The following NELL1 variants were observed in gnomAD, a reference collection of about 807,000 sequenced individuals.
NELL1 encodes neural EGFL like 1.
A neutral mutation model predicts 107.4 loss-of-function variants in NELL1; 76 were observed. That is an observed-to-expected ratio of 0.71 (90% CI 0.59 to 0.86). NELL1 has a LOEUF of 0.86. Ranked by LOEUF, NELL1 falls within the 40% of genes least tolerant of loss-of-function variation. NELL1 has a pLI of 0.00. For missense variants in NELL1, 1,024 were observed against 1,005.5 expected (o/e 1.02, Z -0.25); for synonymous variants, 353 against 341.2 (o/e 1.03, Z -0.38).
At chr11:20,784,734 G>A (rs11025759) in intron 3 of NELL1, among the ~76,000 whole-genome samples, 43,238 of 151,722 alleles carry the variant, frequency 0.28, 6,885 homozygotes, top group African/African-American at 0.42. Context: ...GGGTTCCTCT[G>A]TATTAGTCCA....
chr11:21,020,434 C>T (rs757387366), intron 12 of NELL1, among the ~76,000 whole-genome samples: 27 of 152,074 alleles, frequency 1.8e-4, no homozygotes, highest in Non-Finnish European at 3.1e-4. Context: ...CGTATATGCT[C>T]TACTATGGTG....
At chr11:20,952,188 A>C (rs1452315028) in intron 11 of NELL1, among the ~76,000 whole-genome samples, 1 of 152,086 alleles carries the variant, frequency 6.6e-6, no homozygotes, top group African/African-American at 2.4e-5. Context: ...AATCAGCTCT[A>C]ATTGTATCTT....
chr11:21,492,272 T>G (rs941180247), intron 15 of NELL1, among the ~76,000 whole-genome samples: 25 of 151,460 alleles, frequency 1.7e-4, no homozygotes, highest in Non-Finnish European at 2.5e-4. Context: ...TGTGGAGAAA[T>G]AGGAACACTT....
At chr11:20,848,406 G>A (rs1330547705) in intron 4 of NELL1, among the ~76,000 whole-genome samples, 1 of 152,128 alleles carries the variant, frequency 6.6e-6, no homozygotes, top group Non-Finnish European at 1.5e-5. Flanking sequence ...CAGGTTTAAT[G>A]AAAATTGAAG....
intron 15 of NELL1, among the ~76,000 whole-genome samples, chr11:21,482,579 C>G (rs1211666644): frequency 6.6e-6 from 1 of 152,024 alleles, no homozygotes; most frequent in African/African-American, 2.4e-5. Flanking sequence ...TGCTAGCTGT[C>G]TTAATAAAAA....
intron 15 of NELL1, among the ~76,000 whole-genome samples, chr11:21,464,631 T>C (rs2133876902): frequency 6.6e-6 from 1 of 152,250 alleles, no homozygotes; most frequent in East Asian, 1.9e-4. Context: ...TGGACCACTT[T>C]ATAAAAGATT....
intron 3 of NELL1, among the ~76,000 whole-genome samples, chr11:20,815,615 C>T (rs1384187928): frequency 6.6e-6 from 1 of 152,124 alleles, no homozygotes. Context: ...GTCTTTTACG[C>T]TGTTAATAGT....
At chr11:20,917,878 T>G (rs1239601431) in intron 5 of NELL1, among the ~76,000 whole-genome samples, 1 of 152,012 alleles carries the variant, frequency 6.6e-6, no homozygotes, top group Admixed American at 6.6e-5. Flanking sequence ...CCAGGATGAT[T>G]AGGGCATTAA....
Position 21,519,729 on chromosome 11 carries a change from G to A in NELL1, c.1646-14645G>A, listed in dbSNP as rs1855670723. Among the ~76,000 whole-genome samples the A allele has an allele frequency of 2.0e-5, 3 of 151,956 alleles. No individual in the cohort carries two copies. The South Asian group carries it at 6.2e-4, about 31-fold the overall frequency. ...ATGTACAGCCGCTACCACTCTACTG[G>A]CTAAAATTGACTGAAACGTACCTGG... On this transcript the variant is annotated intron_variant, in intron 15 of 19. Transcript: ENST00000357134.
intron 12 of NELL1, among the ~76,000 whole-genome samples, chr11:21,067,289 C>T (rs1853898900): frequency 6.6e-6 from 1 of 152,156 alleles, no homozygotes; most frequent in South Asian, 2.1e-4. Context: ...AATTTCTGGA[C>T]AGCGCTGAAG....
At chr11:21,538,997 C>T (rs896670972) in intron 16 of NELL1, among the ~76,000 whole-genome samples, 3 of 152,070 alleles carry the variant, frequency 2.0e-5, no homozygotes, top group African/African-American at 7.2e-5. Context: ...GTGCTTTTCC[C>T]TGACTATCCC....
intron 14 of NELL1, among the ~76,000 whole-genome samples, chr11:21,307,742 A>G (rs898943299): frequency 1.3e-5 from 2 of 152,000 alleles, no homozygotes; most frequent in Non-Finnish European, 2.9e-5. Flanking sequence ...CTAAGATAAC[A>G]GGCAAAATTT....
chr11:21,140,972 A>G (rs1855853135), intron 13 of NELL1, among the ~76,000 whole-genome samples: 1 of 152,154 alleles, frequency 6.6e-6, no homozygotes, highest in Admixed American at 6.5e-5. Context: ...AAATACCTGA[A>G]TGATTATTTT....
At chr11:21,123,331 CTGCG>C (rs1333835384) in intron 13 of NELL1, among the ~76,000 whole-genome samples, 1 of 112,532 alleles carries the variant, frequency 8.9e-6, no homozygotes, top group Non-Finnish European at 1.8e-5. Context: ...ATGTGTGTGC[CTGCG>C]TGTGTGTGTG....
chr11:21,561,898 G>T (rs908683806), intron 17 of NELL1, among the ~76,000 whole-genome samples: 10 of 152,036 alleles, frequency 6.6e-5, no homozygotes, highest in Non-Finnish European at 1.0e-4. Context: ...CTCATTGTGG[G>T]TTAGAATATT....
intron 12 of NELL1, among the ~76,000 whole-genome samples, chr11:21,036,303 ACTGCCC>A (rs1853091514): frequency 6.6e-6 from 1 of 152,198 alleles, no homozygotes; most frequent in Admixed American, 6.5e-5. Flanking sequence ...AAATGGTCAT[ACTGCCC>A]AAAGCAGTTT....
At chr11:21,056,651 C>A (rs989968579) in intron 12 of NELL1, among the ~76,000 whole-genome samples, 1 of 152,138 alleles carries the variant, frequency 6.6e-6, no homozygotes, top group Non-Finnish European at 1.5e-5. Flanking sequence ...TTTAACAAAT[C>A]AATTACTTTA....
chr11:20,850,266 G>A (rs1237044342), intron 4 of NELL1, among the ~76,000 whole-genome samples: 1 of 152,142 alleles, frequency 6.6e-6, no homozygotes. Context: ...CACCCTCACA[G>A]AGAGTGAATT....
chr11:21,009,385 C>G (rs183958042), intron 12 of NELL1, among the ~76,000 whole-genome samples: 1 of 152,202 alleles, frequency 6.6e-6, no homozygotes, highest in African/African-American at 2.4e-5. Context: ...GGAAAAGATG[C>G]ATTGCTTGTG....
Sources: allele counts gnomAD v4.1 joint callset (sites outside exome capture counted in the v4.1 genomes callset), GRCh38; gene constraint gnomAD v4.1.1; transcripts MANE v1.5; gene names NCBI Gene and HGNC (gene_info 2026-07-23, HGNC 2026-07-21).